Variants in HNMT observed in about 807,000 individuals in gnomAD.
HNMT encodes histamine N-methyltransferase.
A neutral mutation model predicts 32.1 loss-of-function variants in HNMT; 30 were observed. The ratio of observed to expected loss-of-function variants is 0.93; its 90% CI spans 0.70 to 1.27. HNMT has a LOEUF of 1.27. Ranked by LOEUF, HNMT falls within the 50% of genes most tolerant of loss-of-function variation. The pLI is 0.00. For missense variants in HNMT, 327 were observed against 346.0 expected (o/e 0.95, Z 0.43); for synonymous variants, 125 against 119.0 (o/e 1.05, Z -0.33).
At chr2:137,967,300 C>T (rs991220176) in intron 1 of HNMT, 39 of 553,816 alleles carry the variant, frequency 7.0e-5, no homozygotes, top group Non-Finnish European at 1.1e-4. Context: ...CTACTCCAGA[C>T]GCTGAAGTGG....
chr2:137,986,196 T>C (rs1680646714), intron 2 of HNMT, among the ~76,000 whole-genome samples: 1 of 151,026 alleles, frequency 6.6e-6, no homozygotes, highest in African/African-American at 2.4e-5. Flanking sequence ...TTTAGACCTG[T>C]AGTAATTAGT....
At chr2:137,997,726 A>G (rs1681039022) in intron 2 of HNMT, among the ~76,000 whole-genome samples, 1 of 152,246 alleles carries the variant, frequency 6.6e-6, no homozygotes, top group Non-Finnish European at 1.5e-5. Flanking sequence ...ATGCATATGT[A>G]TGCTCACTGC....
intron 2 of HNMT, among the ~76,000 whole-genome samples, chr2:138,000,678 TGATA>T (rs977958244): frequency 2.6e-5 from 4 of 152,102 alleles, no homozygotes; most frequent in African/African-American, 9.7e-5. Flanking sequence ...TGAAATATAG[TGATA>T]GATGTTAAAG....
intron 5 of HNMT, among the ~76,000 whole-genome samples, chr2:138,013,345 C>T (rs980481857): frequency 6.6e-6 from 1 of 152,102 alleles, no homozygotes; most frequent in Non-Finnish European, 1.5e-5. Flanking sequence ...TCTGCCCTCA[C>T]TCATTCAGCT....
intron 2 of HNMT, among the ~76,000 whole-genome samples, chr2:137,985,521 T>A (rs559367812): frequency 6.6e-6 from 1 of 152,356 alleles, no homozygotes; most frequent in East Asian, 1.9e-4. Context: ...TCCTACATAC[T>A]TTTATTCTTC....
chr2:138,001,255 A>G (rs749742853), intron 3 of HNMT, among the ~76,000 whole-genome samples: 2 of 152,186 alleles, frequency 1.3e-5, no homozygotes, highest in African/African-American at 2.4e-5. Context: ...GTTGTCATCA[A>G]TGATTACCTT....
chr2:137,979,817 T>C (rs896473380), intron 2 of HNMT, among the ~76,000 whole-genome samples: 3 of 152,140 alleles, frequency 2.0e-5, no homozygotes, highest in South Asian at 2.1e-4. Flanking sequence ...TTCTACTTTT[T>C]ACCTTTCTCT....
intron 2 of HNMT, among the ~76,000 whole-genome samples, chr2:137,971,337 A>G (rs1386774922): frequency 6.6e-6 from 1 of 151,868 alleles, no homozygotes; most frequent in African/African-American, 2.4e-5. Flanking sequence ...CAACCACCGC[A>G]CCTGGCTAAT....
At chr2:137,993,477 A>G (rs1680887988) in intron 2 of HNMT, among the ~76,000 whole-genome samples, 1 of 152,162 alleles carries the variant, frequency 6.6e-6, no homozygotes, top group Non-Finnish European at 1.5e-5. Flanking sequence ...AAGACTAGAG[A>G]AAAAAGAATG....
chr2:137,978,751 A>G (rs1168102859), intron 2 of HNMT, among the ~76,000 whole-genome samples: 2 of 140,304 alleles, frequency 1.4e-5, no homozygotes, highest in African/African-American at 5.1e-5. Flanking sequence ...AGTATTATAC[A>G]ATACATATGA....
At chr2:137,974,658 T>G (rs1380387839) in intron 2 of HNMT, among the ~76,000 whole-genome samples, 1 of 152,202 alleles carries the variant, frequency 6.6e-6, no homozygotes, top group Non-Finnish European at 1.5e-5. Flanking sequence ...CCAGAAAGTT[T>G]TTTAAGAGTT....
intron 2 of HNMT, among the ~76,000 whole-genome samples, chr2:137,993,695 C>G (rs1680896362): frequency 6.6e-6 from 1 of 152,078 alleles, no homozygotes. Flanking sequence ...AGATACTCCA[C>G]AAGAAATTCA....
intron 4 of HNMT, among the ~76,000 whole-genome samples, chr2:138,003,780 G>T (rs758040350): frequency 7.9e-5 from 12 of 151,968 alleles, no homozygotes; most frequent in Non-Finnish European, 1.6e-4. Flanking sequence ...CTGCATTTGT[G>T]CATCATCTCC....
intron 1 of HNMT, among the ~76,000 whole-genome samples, chr2:137,966,101 T>C (rs532362972): frequency 6.6e-6 from 1 of 152,354 alleles, no homozygotes; most frequent in South Asian, 2.1e-4. Context: ...TAGAGTTGTC[T>C]ATAAGTTATG....
chr2:138,005,279 A>G (rs1209045126), intron 5 of HNMT, 54 bp downstream of exon 5: 1 of 931,822 alleles, frequency 1.1e-6, no homozygotes, highest in African/African-American at 1.6e-5. Context: ...ACACGTATGC[A>G]TGGATTCCTG....
chr2:137,992,556 G>A (rs752503036), intron 2 of HNMT, among the ~76,000 whole-genome samples: 6 of 152,162 alleles, frequency 3.9e-5, no homozygotes, highest in Non-Finnish European at 8.8e-5. Flanking sequence ...GACAGAACCT[G>A]CATCTCCCTG....
intron 2 of HNMT, among the ~76,000 whole-genome samples, chr2:137,990,020 A>C (rs1420873762): frequency 3.3e-5 from 5 of 151,816 alleles, no homozygotes; most frequent in African/African-American, 9.7e-5. Flanking sequence ...CTTTTCAATT[A>C]TTTTCTTTCA....
chr2:138,002,612 T>C, intron 4 of HNMT: 1 of 205,784 alleles, frequency 4.9e-6, no homozygotes. Flanking sequence ...CACACCCAAC[T>C]AATTTTTTAT....
At chr2:137,970,935 AAGAAAGAAAGAAAG>A (rs543061349) in intron 2 of HNMT, among the ~76,000 whole-genome samples, 60,019 of 89,618 alleles carry the variant, frequency 0.67, 17,622 homozygotes, top group East Asian at 0.74. Flanking sequence ...AAAAAAAAAA[AAGAAAGAAAGAAAG>A]AAAGAAAGAA....
Sources: gnomAD v4.1 joint callset for allele counts (sites outside exome capture counted in the v4.1 genomes callset) on GRCh38, gnomAD v4.1.1 for gene constraint, MANE v1.5 for transcripts, NCBI Gene and HGNC (gene_info 2026-07-23, HGNC 2026-07-21) for gene names.